FMNL2: variants seen among roughly 807,000 people sequenced by gnomAD.
The protein encoded by FMNL2 is formin like 2.
A neutral mutation model predicts 130.2 loss-of-function variants in FMNL2; 51 were observed. That is an observed-to-expected ratio of 0.39 (90% confidence interval 0.31 to 0.49). The LOEUF (loss-of-function observed/expected upper bound fraction) is 0.49, where lower values mean the gene tolerates loss of function less well. Among genes scored for constraint, FMNL2 ranks in the 20% least tolerant of loss-of-function variants. The probability of loss-of-function intolerance (pLI) is 0.85; values close to 1 mark genes in which losing one functional copy is unlikely to be tolerated. For missense variants in FMNL2, 977 were observed against 1,316.2 expected (o/e 0.74, Z 3.99); for synonymous variants, 465 against 467.1 (o/e 1.00, Z 0.06).
intron 9 of FMNL2, among the ~76,000 whole-genome samples, chr2:152,592,884 G>A (rs927318801): frequency 2.6e-4 from 39 of 152,112 alleles, no homozygotes; most frequent in African/African-American, 9.2e-4. Context: ...ATTTTCCACC[G>A]AAAAGCAAAC....
At chr2:152,577,208 C>T (rs1696525321) in intron 7 of FMNL2, among the ~76,000 whole-genome samples, 1 of 151,972 alleles carries the variant, frequency 6.6e-6, no homozygotes, top group Non-Finnish European at 1.5e-5. Flanking sequence ...TTAAAGGCCA[C>T]AGCATTGGAT....
At chr2:152,338,528 T>TA (rs1681607523) in intron 1 of FMNL2, among the ~76,000 whole-genome samples, 1 of 152,042 alleles carries the variant, frequency 6.6e-6, no homozygotes, top group South Asian at 2.1e-4. Flanking sequence ...TGTGCGAATA[T>TA]AAAAAATTAG....
At chr2:152,468,694 A>G (rs905703398) in intron 1 of FMNL2, among the ~76,000 whole-genome samples, 6 of 152,178 alleles carry the variant, frequency 3.9e-5, no homozygotes, top group African/African-American at 1.2e-4. Flanking sequence ...TTACTTTTTA[A>G]TGTAGCTACT....
chr2:152,619,874 A>T (rs1699159172), intron 15 of FMNL2, among the ~76,000 whole-genome samples, 156 bp downstream of exon 15: 2 of 152,060 alleles, frequency 1.3e-5, no homozygotes, highest in African/African-American at 4.8e-5. Flanking sequence ...TAGAGGGAAC[A>T]TCATCACGCA....
intron 2 of FMNL2, among the ~76,000 whole-genome samples, chr2:152,538,708 T>G (rs573930433): frequency 6.6e-6 from 1 of 152,142 alleles, no homozygotes; most frequent in Non-Finnish European, 1.5e-5. Flanking sequence ...AAAAGTGTTA[T>G]GGAGGAAGAA....
At position 152,637,684 on chromosome 2, in the gene FMNL2, A is replaced by G. The variant is rs1165285703; in HGVS notation, c.2946+10A>G. ...TGTGAAAGCATATAAGGTATATGTT[A>G]AGGCCCTCCTTGCCCTTATTTCTCA... On this transcript the variant is annotated intron_variant, in intron 23 of 25. Transcript: ENST00000288670. 6.2e-7 allele frequency: 1 copy of G among 1,610,694 alleles called. No homozygotes were observed. The highest frequency in any genetic ancestry group is 1.3e-5 in the African/African-American group (1 of 74,812).
At chr2:152,572,100 G>C (rs1171250910) in intron 6 of FMNL2, among the ~76,000 whole-genome samples, 1 of 152,126 alleles carries the variant, frequency 6.6e-6, no homozygotes, top group Non-Finnish European at 1.5e-5. Context: ...CTTCAGTCCT[G>C]TGTATTGTGG....
At chr2:152,412,658 A>G (rs1428870925) in intron 1 of FMNL2, among the ~76,000 whole-genome samples, 1 of 150,906 alleles carries the variant, frequency 6.6e-6, no homozygotes, top group African/African-American at 2.4e-5. Flanking sequence ...AAATACAAAA[A>G]TTAGCCAGGT....
At chr2:152,527,980 C>T (rs1286293921) in intron 2 of FMNL2, among the ~76,000 whole-genome samples, 1 of 152,084 alleles carries the variant, frequency 6.6e-6, no homozygotes, top group Non-Finnish European at 1.5e-5. Flanking sequence ...GAATTTGCTT[C>T]TCAGTGTAAG....
intron 1 of FMNL2, among the ~76,000 whole-genome samples, chr2:152,375,881 A>G (rs60905588): frequency 1.3e-5 from 1 of 79,382 alleles, no homozygotes; most frequent in Non-Finnish European, 2.6e-5. Flanking sequence ...CTCTCTCTAT[A>G]TATATATATA....
chr2:152,444,507 C>G (rs188830689), intron 1 of FMNL2, among the ~76,000 whole-genome samples: 1 of 152,284 alleles, frequency 6.6e-6, no homozygotes, highest in African/African-American at 2.4e-5. Flanking sequence ...TAGAGATATG[C>G]AAGATATTCC....
chr2:152,604,123 G>A (rs1698235303), intron 9 of FMNL2, among the ~76,000 whole-genome samples: 1 of 151,002 alleles, frequency 6.6e-6, no homozygotes, highest in Non-Finnish European at 1.5e-5. Context: ...GTCTTTTAGT[G>A]ATAATGTTTT....
chr2:152,464,463 G>C (rs1689418064), intron 1 of FMNL2, among the ~76,000 whole-genome samples: 1 of 152,160 alleles, frequency 6.6e-6, no homozygotes, highest in African/African-American at 2.4e-5. Flanking sequence ...AGCTCCTCAG[G>C]AATGTACCCC....
chr2:152,458,126 C>A (rs892113219), intron 1 of FMNL2, among the ~76,000 whole-genome samples: 1 of 152,142 alleles, frequency 6.6e-6, no homozygotes, highest in Non-Finnish European at 1.5e-5. Context: ...TCTTTAGGGA[C>A]CATTATTCTG....
intron 1 of FMNL2, among the ~76,000 whole-genome samples, chr2:152,495,862 T>C (rs2105304344): frequency 6.6e-6 from 1 of 152,146 alleles, no homozygotes; most frequent in East Asian, 1.9e-4. Context: ...TAGTATTTCT[T>C]AGCTTCTTTC....
chr2:152,630,133 T>C (rs1477021763), intron 20 of FMNL2, among the ~76,000 whole-genome samples: 1 of 152,220 alleles, frequency 6.6e-6, no homozygotes, highest in Non-Finnish European at 1.5e-5. Flanking sequence ...GTGTCTGAAT[T>C]TTGAATCCTG....
chr2:152,406,728 AT>A (rs1282304242), intron 1 of FMNL2, among the ~76,000 whole-genome samples: 2 of 152,234 alleles, frequency 1.3e-5, no homozygotes, highest in Non-Finnish European at 1.5e-5. Context: ...GAATTTAACC[AT>A]ATGACCTTCC....
chr2:152,587,854 C>T (rs1033444859), intron 9 of FMNL2, among the ~76,000 whole-genome samples: 5 of 152,132 alleles, frequency 3.3e-5, no homozygotes, highest in African/African-American at 1.2e-4. Context: ...TAAAAGAGAG[C>T]CTCCCAGGCT....
At chr2:152,617,270 T>C in intron 13 of FMNL2, 78 bp downstream of exon 13, 1 of 1,287,132 alleles carries the variant, frequency 7.8e-7, no homozygotes, top group Non-Finnish European at 1.1e-6. Context: ...GAACGCAGAG[T>C]ACCTTCATTT....
Sources: gnomAD v4.1 joint callset for allele counts (sites outside exome capture counted in the v4.1 genomes callset) on GRCh38, gnomAD v4.1.1 for gene constraint, MANE v1.5 for transcripts, NCBI Gene and HGNC (gene_info 2026-07-23, HGNC 2026-07-21) for gene names.